Variants in PDE8B observed in about 807,000 individuals in gnomAD.
PDE8B encodes phosphodiesterase 8B, also known as high affinity cAMP-specific and IBMX-insensitive 3',5'-cyclic phosphodiesterase 8B.
Under a neutral mutation model 101.3 loss-of-function variants are expected in PDE8B, and 26 were observed. The ratio of observed to expected loss-of-function variants is 0.26; its 90% CI spans 0.19 to 0.36. The LOEUF is 0.36. Among genes scored for constraint, PDE8B ranks in the 10% least tolerant of loss-of-function variants. The probability of loss-of-function intolerance (pLI) is 1.00; values close to 1 mark genes in which losing one functional copy is unlikely to be tolerated. For missense variants in PDE8B, 810 were observed against 1,163.1 expected (o/e 0.70, Z 4.42); for synonymous variants, 424 against 429.3 (o/e 0.99, Z 0.15).
In PDE8B at chr5:77,362,587, C is replaced by G. The variant is rs61546005; in HGVS notation, c.1167+9181C>G. Reference sequence around the variant, plus strand: ...TTAGCAGCATACTGTTGACTACTATCCTATCTGGTCCCCAGTCCTCATTGT... The same window carrying G: ...TTAGCAGCATACTGTTGACTACTATGCTATCTGGTCCCCAGTCCTCATTGT... On this transcript the variant is annotated intron_variant, in intron 10 of 21. Coordinates refer to ENST00000264917, the MANE Select transcript of PDE8B (RefSeq NM_003719.5). Among the ~76,000 whole-genome samples the G allele has an allele frequency of 5.2e-3, 789 of 152,338 alleles. 5 individuals are homozygous for G. Among genetic ancestry groups the G allele is most frequent in the African/African-American group, 0.018 (768 of 41,576 alleles).
the PDE8B span, among the ~76,000 whole-genome samples, chr5:77,204,466 G>T: frequency 6.6e-6 from 1 of 150,378 alleles, no homozygotes; most frequent in African/African-American, 2.4e-5. Flanking sequence ...AATATTTTTT[G>T]CAAGACAATG....
At chr5:77,237,447 C>T (rs1001373961) in intron 1 of PDE8B, among the ~76,000 whole-genome samples, 1 of 152,208 alleles carries the variant, frequency 6.6e-6, no homozygotes, top group South Asian at 2.1e-4. Context: ...CACACACACA[C>T]TTAACTTTTC....
chr5:77,314,929 A>C (rs1444887657), intron 2 of PDE8B, among the ~76,000 whole-genome samples: 1 of 152,158 alleles, frequency 6.6e-6, no homozygotes, highest in East Asian at 1.9e-4. Context: ...CTCCATGACT[A>C]ATGATGAGCA....
the PDE8B span, chr5:77,166,673 A>G: frequency 6.6e-6 from 1 of 152,230 alleles, no homozygotes. Context: ...TCTAGGCAGC[A>G]GATGCAACTC....
chr5:77,151,213 C>G, the PDE8B span: 2 of 152,298 alleles, frequency 1.3e-5, no homozygotes, highest in African/African-American at 4.8e-5. Flanking sequence ...CTTTCTCTCT[C>G]TCCCTCTCAG....
At chr5:77,312,349 C>T (rs1772860686) in intron 2 of PDE8B, among the ~76,000 whole-genome samples, 1 of 152,184 alleles carries the variant, frequency 6.6e-6, no homozygotes, top group Admixed American at 6.5e-5. Flanking sequence ...GGTGACCTGC[C>T]TGCCTCGGCC....
At chr5:77,282,721 C>A (rs150842869) in intron 1 of PDE8B, among the ~76,000 whole-genome samples, 10 of 152,114 alleles carry the variant, frequency 6.6e-5, no homozygotes, top group African/African-American at 2.4e-4. Context: ...AATTTGAGCC[C>A]TGGTGGAGCA....
the PDE8B span, chr5:77,152,121 T>C: frequency 6.6e-6 from 1 of 152,128 alleles, no homozygotes; most frequent in Non-Finnish European, 1.5e-5. Flanking sequence ...ATGCTGGGCA[T>C]ACAGTAGGGA....
At chr5:77,104,973 C>T in the PDE8B span, 2 of 152,190 alleles carry the variant, frequency 1.3e-5, no homozygotes, top group Non-Finnish European at 2.9e-5. Context: ...CCCTTCTCCC[C>T]ACCCCCAGGT....
chr5:77,256,861 A>C (rs1759287526), intron 1 of PDE8B, among the ~76,000 whole-genome samples: 1 of 152,218 alleles, frequency 6.6e-6, no homozygotes, highest in Non-Finnish European at 1.5e-5. Context: ...CATTTGACTA[A>C]AAATTTACTT....
At chr5:77,386,251 C>G (rs1788585190) in intron 10 of PDE8B, among the ~76,000 whole-genome samples, 1 of 152,138 alleles carries the variant, frequency 6.6e-6, no homozygotes, top group Non-Finnish European at 1.5e-5. Flanking sequence ...AATGTATATT[C>G]TGTTGATTTG....
intron 3 of PDE8B, 84 bp from the exon 4 acceptor site, chr5:77,328,914 A>G (rs759011774): frequency 4.1e-5 from 42 of 1,017,774 alleles, no homozygotes; most frequent in Non-Finnish European, 6.1e-5. Context: ...ATGTTGTATC[A>G]TTTTCAGTGT....
chr5:77,162,004 A>C, the PDE8B span, among the ~76,000 whole-genome samples: 1 of 151,654 alleles, frequency 6.6e-6, no homozygotes, highest in South Asian at 2.1e-4. Flanking sequence ...TATGTGAGGA[A>C]AATATAATCA....
At chr5:77,207,057 A>G (rs1580307862), upstream of PDE8B, among the ~76,000 whole-genome samples, 1 of 152,180 alleles carries the variant, frequency 6.6e-6, no homozygotes, top group Admixed American at 6.5e-5. Context: ...AATTCAATGT[A>G]CCTTCCACTG....
the PDE8B span, among the ~76,000 whole-genome samples, chr5:77,158,885 C>T: frequency 6.6e-6 from 1 of 152,176 alleles, no homozygotes; most frequent in Non-Finnish European, 1.5e-5. Context: ...GACTCAACAT[C>T]AAGTGTACTT....
chr5:77,123,970 G>A, the PDE8B span, among the ~76,000 whole-genome samples: 1 of 152,118 alleles, frequency 6.6e-6, no homozygotes, highest in Non-Finnish European at 1.5e-5. Context: ...TCCTGGAAAG[G>A]CAACAGTTTG....
At chr5:77,338,627 G>C (rs1778615106) in intron 6 of PDE8B, among the ~76,000 whole-genome samples, 1 of 152,148 alleles carries the variant, frequency 6.6e-6, no homozygotes, top group African/African-American at 2.4e-5. Flanking sequence ...CATGTTGCCT[G>C]TACTTCTGTA....
chr5:77,335,559 G>C (rs1388931717), intron 5 of PDE8B, among the ~76,000 whole-genome samples: 1 of 121,276 alleles, frequency 8.2e-6, no homozygotes, highest in Non-Finnish European at 1.7e-5. Flanking sequence ...GTGTGTGTGT[G>C]TGTGTGAGAG....
chr5:77,269,728 T>C (rs775511924), intron 1 of PDE8B, among the ~76,000 whole-genome samples: 5 of 152,288 alleles, frequency 3.3e-5, no homozygotes, highest in Non-Finnish European at 7.4e-5. Flanking sequence ...TTAAAGAGAT[T>C]GTCCTTTCTT....
Sources: gnomAD v4.1 joint callset for allele counts (sites outside exome capture counted in the v4.1 genomes callset) on GRCh38, gnomAD v4.1.1 for gene constraint, MANE v1.5 for transcripts, NCBI Gene and HGNC (gene_info 2026-07-23, HGNC 2026-07-21) for gene names.